Variants in ASIC2 observed in about 807,000 individuals in gnomAD.
The protein encoded by ASIC2 is acid-sensing ion channel 2.
Under a neutral mutation model 57.3 loss-of-function variants are expected in ASIC2, and 25 were observed. That is an observed-to-expected ratio of 0.44 (90% CI 0.32 to 0.61). The LOEUF is 0.61. Among genes scored for constraint, ASIC2 ranks in the 20% least tolerant of loss-of-function variants. The pLI, the probability that ASIC2 is intolerant of heterozygous loss-of-function variation, is 0.06. For missense variants in ASIC2, 641 were observed against 738.1 expected (o/e 0.87, Z 1.52); for synonymous variants, 319 against 307.5 (o/e 1.04, Z -0.39).
chr17:33,165,418 G>C (rs1175724250), intron 1 of ASIC2, among the ~76,000 whole-genome samples: 1 of 152,142 alleles, frequency 6.6e-6, no homozygotes, highest in African/African-American at 2.4e-5. Context: ...GCTCAGTCTT[G>C]GGTCGGGTTT....
intron 1 of ASIC2, among the ~76,000 whole-genome samples, chr17:33,504,003 TG>T (rs1201030719): frequency 3.3e-5 from 5 of 152,288 alleles, no homozygotes; most frequent in African/African-American, 1.2e-4. Flanking sequence ...CAGCTGGAGC[TG>T]GGGAGGAGAT....
At chr17:33,116,655 T>C (rs1484036625) in intron 1 of ASIC2, among the ~76,000 whole-genome samples, 1 of 152,192 alleles carries the variant, frequency 6.6e-6, no homozygotes, top group Non-Finnish European at 1.5e-5. Flanking sequence ...TGGGGGCTCC[T>C]GAGATAAAAA....
At chr17:33,714,014 C>T (rs1443175181) in intron 1 of ASIC2, among the ~76,000 whole-genome samples, 1 of 151,926 alleles carries the variant, frequency 6.6e-6, no homozygotes, top group East Asian at 1.9e-4. Flanking sequence ...AGTAGAGCTT[C>T]TCAAGTGGGG....
At chr17:33,491,785 G>A (rs187282739) in intron 1 of ASIC2, among the ~76,000 whole-genome samples, 2 of 152,196 alleles carry the variant, frequency 1.3e-5, no homozygotes, top group African/African-American at 4.8e-5. Flanking sequence ...TCACTCCTCT[G>A]AGAACCTCTC....
intron 1 of ASIC2, among the ~76,000 whole-genome samples, chr17:33,909,724 G>A (rs1335034628): frequency 6.6e-6 from 1 of 152,234 alleles, no homozygotes; most frequent in East Asian, 1.9e-4. Flanking sequence ...CAGCAAATAA[G>A]AGAATGTTGA....
chr17:34,117,062 G>T (rs1288360549), intron 1 of ASIC2, among the ~76,000 whole-genome samples: 1 of 152,128 alleles, frequency 6.6e-6, no homozygotes, highest in Non-Finnish European at 1.5e-5. Flanking sequence ...TGTGTATATG[G>T]AAAGTGTGCA....
At chr17:33,835,425 A>G (rs1006068469) in intron 1 of ASIC2, among the ~76,000 whole-genome samples, 1 of 152,174 alleles carries the variant, frequency 6.6e-6, no homozygotes, top group Admixed American at 6.6e-5. Flanking sequence ...AATCTTGTGA[A>G]CCCTAAGAAG....
At chr17:34,031,453 G>T (rs771346436) in intron 1 of ASIC2, among the ~76,000 whole-genome samples, 5 of 152,178 alleles carry the variant, frequency 3.3e-5, no homozygotes, top group Non-Finnish European at 7.3e-5. Flanking sequence ...AAATCAGAGC[G>T]CCTCTCCTCC....
chr17:34,107,855 CATTTT>C (rs1209218249), intron 1 of ASIC2, among the ~76,000 whole-genome samples: 4 of 152,122 alleles, frequency 2.6e-5, no homozygotes, highest in Non-Finnish European at 5.9e-5. Context: ...GTTATACTGA[CATTTT>C]ATTATTAGCA....
intron 1 of ASIC2, among the ~76,000 whole-genome samples, chr17:33,686,856 G>A (rs1439243363): frequency 6.6e-6 from 1 of 152,174 alleles, no homozygotes; most frequent in Non-Finnish European, 1.5e-5. Context: ...CAATTGAATT[G>A]GGGGTGAAAA....
intron 1 of ASIC2, among the ~76,000 whole-genome samples, chr17:33,444,099 C>G (rs1157960934): frequency 1.3e-5 from 2 of 152,166 alleles, no homozygotes; most frequent in African/African-American, 4.8e-5. Flanking sequence ...AAACTATTCT[C>G]AATTTGTTGT....
chr17:33,633,346 T>G (rs886244673), intron 1 of ASIC2, among the ~76,000 whole-genome samples: 19 of 152,146 alleles, frequency 1.2e-4, no homozygotes, highest in African/African-American at 4.3e-4. Flanking sequence ...CTGGACACAA[T>G]GCAGAGGGCA....
chr17:33,792,284 A>G (rs372009110), intron 1 of ASIC2: 2 of 152,332 alleles, frequency 1.3e-5, no homozygotes, highest in African/African-American at 4.8e-5. Flanking sequence ...GCCACCTGCT[A>G]CTTCCAAGGG....
At chr17:33,660,753 CCT>C (rs1907230932) in intron 1 of ASIC2, among the ~76,000 whole-genome samples, 1 of 152,210 alleles carries the variant, frequency 6.6e-6, no homozygotes, top group Non-Finnish European at 1.5e-5. Flanking sequence ...GGATTTTTCA[CCT>C]CTGTTAGACT....
chr17:33,971,355 G>C (rs1005915638), intron 1 of ASIC2, among the ~76,000 whole-genome samples: 1 of 152,172 alleles, frequency 6.6e-6, no homozygotes, highest in Non-Finnish European at 1.5e-5. Context: ...CAGAAGGCTT[G>C]AGAGAATATT....
chr17:33,942,468 C>A (rs1916213249), intron 1 of ASIC2, among the ~76,000 whole-genome samples: 6 of 152,146 alleles, frequency 3.9e-5, no homozygotes, highest in Admixed American at 3.9e-4. Context: ...AATGGAAGAG[C>A]CAAGGCCAGA....
intron 9 of ASIC2, 80 bp from the exon 10 acceptor site, chr17:33,014,146 C>T: frequency 8.6e-7 from 1 of 1,168,078 alleles, no homozygotes; most frequent in Non-Finnish European, 1.3e-6. Flanking sequence ...CCAGCCTAGG[C>T]CCTGGGGAAG....
intron 1 of ASIC2, among the ~76,000 whole-genome samples, chr17:33,702,308 AG>A (rs139048603): frequency 3.3e-5 from 5 of 152,182 alleles, no homozygotes; most frequent in East Asian, 1.9e-4. Context: ...CTGGGGTTAG[AG>A]GGGGGGTATC....
chr17:34,130,602 C>T (rs960477108), intron 1 of ASIC2, among the ~76,000 whole-genome samples: 5 of 152,224 alleles, frequency 3.3e-5, no homozygotes, highest in Admixed American at 6.5e-5. Context: ...CCACACCTTT[C>T]CTCAAACAGA....
Sources: allele counts gnomAD v4.1 joint callset (sites outside exome capture counted in the v4.1 genomes callset), GRCh38; gene constraint gnomAD v4.1.1; transcripts MANE v1.5; gene names NCBI Gene and HGNC (gene_info 2026-07-23, HGNC 2026-07-21).